The following TRDN variants were observed in gnomAD, a reference collection of about 807,000 sequenced individuals.
The protein encoded by TRDN is triadin, also known as triadin in skeletal muscle.
A neutral mutation model predicts 149.7 loss-of-function variants in TRDN; 161 were observed. That is an observed-to-expected ratio of 1.08 (90% confidence interval 0.95 to 1.23). The LOEUF (loss-of-function observed/expected upper bound fraction) is 1.23. Ranked by LOEUF, TRDN falls within the 50% of genes most tolerant of loss-of-function variation. The probability of loss-of-function intolerance (pLI) is 0.00; values close to 1 mark genes in which losing one functional copy is unlikely to be tolerated. For synonymous variants in TRDN, 294 were observed against 250.5 expected (o/e 1.17, Z -1.64); for missense variants, 896 against 823.5 (o/e 1.09, Z -1.08).
chr6:123,229,787 T>C (rs28459863), intron 38 of TRDN, among the ~76,000 whole-genome samples: 7,897 of 151,984 alleles, frequency 0.052, 600 homozygotes, highest in African/African-American at 0.18. Context: ...TATGAGAAAA[T>C]GTAAAGTCCA....
intron 1 of TRDN, 41 bp from the exon 2 acceptor site, chr6:123,571,173 C>G: frequency 6.3e-7 from 1 of 1,597,902 alleles, no homozygotes; most frequent in Non-Finnish European, 8.6e-7. Context: ...TTTAGAGATT[C>G]ATGGTAAATA....
At chr6:123,388,092 G>A (rs756434205) in intron 14 of TRDN, among the ~76,000 whole-genome samples, 21 of 141,458 alleles carry the variant, frequency 1.5e-4, no homozygotes, top group African/African-American at 4.1e-4. Context: ...AAAAAAATCC[G>A]AGAGGCAGAG....
At chr6:123,518,739 G>A (rs568765072) in intron 5 of TRDN, among the ~76,000 whole-genome samples, 1 of 152,226 alleles carries the variant, frequency 6.6e-6, no homozygotes, top group South Asian at 2.1e-4. Flanking sequence ...CTGTATGCTA[G>A]CATTTTATTA....
At chr6:123,627,291 C>T (rs1045643708) in intron 1 of TRDN, among the ~76,000 whole-genome samples, 1 of 152,040 alleles carries the variant, frequency 6.6e-6, no homozygotes, top group Non-Finnish European at 1.5e-5. Flanking sequence ...CCATGAGCTG[C>T]AAAAATGATC....
intron 10 of TRDN, among the ~76,000 whole-genome samples, chr6:123,450,706 A>C (rs1775716307): frequency 6.6e-6 from 1 of 152,140 alleles, no homozygotes. Flanking sequence ...ACAGAAAATC[A>C]ACAAAGAAAC....
chr6:123,379,244 A>G (rs1289212251), intron 16 of TRDN, among the ~76,000 whole-genome samples: 2 of 152,172 alleles, frequency 1.3e-5, no homozygotes, highest in Non-Finnish European at 2.9e-5. Context: ...CCAAGTATAC[A>G]ATTTTGTTAG....
At chr6:123,401,292 A>C (rs968185327) in intron 12 of TRDN, among the ~76,000 whole-genome samples, 11 of 152,232 alleles carry the variant, frequency 7.2e-5, no homozygotes, top group African/African-American at 2.4e-4. Flanking sequence ...AAGGGTAGAC[A>C]TCCTGAATGG....
At chr6:123,456,047 T>C (rs1023400474) in intron 10 of TRDN, among the ~76,000 whole-genome samples, 6 of 152,200 alleles carry the variant, frequency 3.9e-5, no homozygotes, top group African/African-American at 1.4e-4. Context: ...AAAGTACTAT[T>C]TCAAAGATAC....
intron 5 of TRDN, among the ~76,000 whole-genome samples, chr6:123,529,911 T>C (rs1780150407): frequency 6.6e-6 from 1 of 152,002 alleles, no homozygotes; most frequent in South Asian, 2.1e-4. Flanking sequence ...GTTATTCTTA[T>C]AAGATAAGCA....
intron 20 of TRDN, among the ~76,000 whole-genome samples, chr6:123,360,653 G>A (rs1780861335): frequency 6.6e-6 from 1 of 152,020 alleles, no homozygotes; most frequent in South Asian, 2.1e-4. Flanking sequence ...CCAGCATTCA[G>A]AAAGCTGGCT....
At position 123,216,956 on chromosome 6, in the gene TRDN, G is replaced by A. The variant is rs933654454; in HGVS notation, c.*1645C>T. ...TTTACTCAGTAAATTCAGCAGGCTG[G>A]AGGAGCAGTTGAGCAATAAACTTTA... On this transcript the variant is annotated 3_prime_UTR_variant, in exon 41 of 41. Coordinates refer to ENST00000334268, the MANE Select transcript of TRDN (RefSeq NM_006073.4). 8 of 151,948 alleles carry A rather than the reference G, an allele frequency of 5.3e-5. No homozygotes were observed. The highest frequency in any genetic ancestry group is 1.5e-5 in the Non-Finnish European group (1 of 67,944). 9.4% of individuals were successfully genotyped at this position (151,948 alleles called of 1,614,324 possible).
chr6:123,226,879 G>A (rs931539398), intron 38 of TRDN, among the ~76,000 whole-genome samples: 5 of 151,758 alleles, frequency 3.3e-5, no homozygotes. Flanking sequence ...GGACTGTCAG[G>A]AAAATGTTTA....
intron 24 of TRDN, among the ~76,000 whole-genome samples, chr6:123,313,424 T>C (rs140909300): frequency 8.5e-5 from 13 of 152,114 alleles, no homozygotes; most frequent in African/African-American, 2.9e-4. Flanking sequence ...TGTGGGCTTA[T>C]TTACCTTCAA....
intron 14 of TRDN, among the ~76,000 whole-genome samples, chr6:123,387,279 T>TA (rs1399460372): frequency 2.6e-5 from 4 of 152,132 alleles, no homozygotes; most frequent in Non-Finnish European, 4.4e-5. Context: ...CTTATCATTT[T>TA]AAAAAAATTA....
At chr6:123,352,064 G>A (rs1780480145) in intron 21 of TRDN, 1 of 973,820 alleles carries the variant, frequency 1.0e-6, no homozygotes, top group South Asian at 4.8e-5. Flanking sequence ...TCATAATATA[G>A]TATATATCAT....
chr6:123,265,545 GTA>G (rs1776913735), intron 32 of TRDN, among the ~76,000 whole-genome samples: 1 of 151,242 alleles, frequency 6.6e-6, no homozygotes, highest in Non-Finnish European at 1.5e-5. Flanking sequence ...AAGCCTGAAA[GTA>G]TGGAATCTTT....
intron 38 of TRDN, among the ~76,000 whole-genome samples, chr6:123,232,162 A>G (rs555199949): frequency 2.8e-4 from 43 of 151,922 alleles, no homozygotes; most frequent in Non-Finnish European, 4.9e-4. Context: ...GAAGAATTCA[A>G]CCTCTGGGGA....
At chr6:123,265,935 G>A (rs145704144) in intron 32 of TRDN, among the ~76,000 whole-genome samples, 2 of 146,022 alleles carry the variant, frequency 1.4e-5, no homozygotes, top group East Asian at 2.0e-4. Flanking sequence ...CTGTGTCATC[G>A]TACATCTAAA....
At chr6:123,280,014 T>A (rs1046550401) in intron 24 of TRDN, among the ~76,000 whole-genome samples, 7 of 152,306 alleles carry the variant, frequency 4.6e-5, no homozygotes, top group Admixed American at 4.6e-4. Context: ...AGTGATACTT[T>A]AGTGATGGGA....
Sources: allele counts gnomAD v4.1 joint callset (sites outside exome capture counted in the v4.1 genomes callset), GRCh38; gene constraint gnomAD v4.1.1; transcripts MANE v1.5; gene names NCBI Gene and HGNC (gene_info 2026-07-23, HGNC 2026-07-21).